Variants in TACC2 observed in about 807,000 individuals in gnomAD.
The protein encoded by TACC2 is transforming acidic coiled-coil containing protein 2, also known as transforming acidic coiled-coil-containing protein 2.
In TACC2, 137 loss-of-function variants were observed where a neutral mutation model predicts 227.3. The observed-to-expected ratio is 0.60, with a 90% CI of 0.52 to 0.69. The LOEUF (loss-of-function observed/expected upper bound fraction) is 0.69. Among genes scored for constraint, TACC2 ranks in the 30% least tolerant of loss-of-function variants. The probability of loss-of-function intolerance (pLI) is 0.00; values close to 1 mark genes in which losing one functional copy is unlikely to be tolerated. For synonymous variants in TACC2, 1,523 were observed against 1,487.5 expected, an observed-to-expected ratio of 1.02 and a Z score of -0.55; for missense variants, 3,470 against 3,694.4, an observed-to-expected ratio of 0.94 and a Z score of 1.57.
chr10:122,017,216 G>A (rs1290717996), intron 1 of TACC2, among the ~76,000 whole-genome samples: 1 of 152,194 alleles, frequency 6.6e-6, no homozygotes, highest in Non-Finnish European at 1.5e-5. Context: ...GGGCCGCAGA[G>A]TTGACAGTTT....
At chr10:122,066,541 A>G (rs1458707416) in intron 3 of TACC2, among the ~76,000 whole-genome samples, 2 of 152,194 alleles carry the variant, frequency 1.3e-5, no homozygotes, top group Non-Finnish European at 2.9e-5. Flanking sequence ...TGCTGGGATT[A>G]GAGGCGTGAG....
In TACC2 at chr10:122,180,439, G is replaced by A. The variant is rs977935878; in HGVS notation, c.5835-14601G>A. Among the ~76,000 whole-genome samples, 2 of 151,478 alleles carry A rather than the reference G, an allele frequency of 1.3e-5. No homozygotes were observed. The highest frequency in any genetic ancestry group is 2.9e-5 in the Non-Finnish European group (2 of 67,936). On this transcript the variant is annotated intron_variant, in intron 7 of 22. Coordinates refer to ENST00000369005, the MANE Select transcript of TACC2 (RefSeq NM_206862.4). The surrounding 1 kb of genome is among the most constrained non-coding windows in gnomAD (Gnocchi z 4.5). Reference sequence around the variant, plus strand: ...TGCAAGCTCCGCTTCCCAGGTTCACGCCATTCTCCTGCCTCAGCCTCCCGA... The same window carrying A: ...TGCAAGCTCCGCTTCCCAGGTTCACACCATTCTCCTGCCTCAGCCTCCCGA...
In TACC2 at chr10:122,120,242, G is replaced by A. The variant is rs138580226; in HGVS notation, c.5574-12367G>A. On this transcript the variant is annotated intron_variant, in intron 5 of 22. Coordinates refer to ENST00000369005, the MANE Select transcript of TACC2 (RefSeq NM_206862.4). The stretch of plus-strand genomic sequence containing the variant: ...CAACCAGAAGCTGCCCTGCTCCCCC[G>A]CCTGGCCTAGGGGTTGGGCCAACGT... Among the ~76,000 whole-genome samples, 411 of 152,244 alleles carry A rather than the reference G, an allele frequency of 2.7e-3. 3 individuals are homozygous for A. The highest frequency in any genetic ancestry group is 9.7e-3 in the African/African-American group (401 of 41,550).
intron 8 of TACC2, among the ~76,000 whole-genome samples, chr10:122,198,436 A>G (rs1031144132): frequency 6.6e-6 from 1 of 152,214 alleles, no homozygotes; most frequent in Non-Finnish European, 1.5e-5. Flanking sequence ...CCGTGTTATT[A>G]GAACTCAAAA....
In TACC2 at chr10:122,086,313, A is replaced by G. The variant is rs375356735; in HGVS notation, c.3813A>G (p.Val1271=). The change falls in exon 4 of 23, where the codon GTA becomes GTG. Residue 1271 remains valine, a synonymous_variant. Transcript: ENST00000369005. The part of the protein sequence containing the change: ...PRAPGESPCP[V]GEPPLALENA... Reference sequence around the variant, plus strand: ...CTCCTGGCGAAAGCCCCTGTCCTGTAGGGGAGCCCCCACTTGCCTTGGAAA... The same window carrying G: ...CTCCTGGCGAAAGCCCCTGTCCTGTGGGGGAGCCCCCACTTGCCTTGGAAA... The G allele has an allele frequency of 1.1e-5, 17 of 1,613,864 alleles. No homozygotes were observed. Among genetic ancestry groups the G allele is most frequent in the Middle Eastern group, 1.6e-4 (1 of 6,062 alleles).
chr10:122,021,621 A>G (rs1490406063), intron 1 of TACC2, among the ~76,000 whole-genome samples: 1 of 151,826 alleles, frequency 6.6e-6, no homozygotes, highest in African/African-American at 2.4e-5. Flanking sequence ...TGGCAAACGG[A>G]CCCCTTTTGT....
chr10:122,061,447 G>A (rs1324180680), intron 3 of TACC2, among the ~76,000 whole-genome samples: 1 of 152,178 alleles, frequency 6.6e-6, no homozygotes, highest in East Asian at 1.9e-4. Flanking sequence ...GGCTCCAGGA[G>A]GAAATCCTAC....
At position 122,107,880 on chromosome 10, in the gene TACC2, A is replaced by ATT. The variant is rs1412735022; in HGVS notation, c.5573+19298_5573+19299dup. The stretch of plus-strand genomic sequence containing the variant: ...AAGTCCATTATATATATATATATAT[A>ATT]TTTTTTTTTTCTTTTTTCTTTTTTT... On this transcript the variant is annotated intron_variant, in intron 5 of 22. Transcript: ENST00000369005. 5.4e-3 allele frequency among the ~76,000 whole-genome samples: 555 copies of ATT among 102,234 alleles called. 5 individuals carry two copies. The highest frequency in any genetic ancestry group is 7.6e-3 in the Non-Finnish European group (415 of 54,660). 67.1% of individuals were successfully genotyped at this position (102,234 alleles called of 152,430 possible).
chr10:122,063,781 A>C (rs1269853273), intron 3 of TACC2, among the ~76,000 whole-genome samples: 1 of 151,320 alleles, frequency 6.6e-6, no homozygotes, highest in African/African-American at 2.4e-5. Flanking sequence ...GTGTGCATAT[A>C]TATTATAAAA....
chr10:122,110,830 T>C (rs967860189), intron 5 of TACC2, among the ~76,000 whole-genome samples: 4 of 152,202 alleles, frequency 2.6e-5, no homozygotes, highest in African/African-American at 9.6e-5. Context: ...CACAAATTTA[T>C]TTTACTAGGA....
At chr10:121,992,117 C>T (rs1953051987) in intron 1 of TACC2, among the ~76,000 whole-genome samples, 1 of 152,194 alleles carries the variant, frequency 6.6e-6, no homozygotes, top group African/African-American at 2.4e-5. Flanking sequence ...AACTGCATCA[C>T]CATTTCACCC....
intron 2 of TACC2, among the ~76,000 whole-genome samples, chr10:122,027,320 T>C (rs1031774478): frequency 1.3e-5 from 2 of 152,240 alleles, no homozygotes; most frequent in Non-Finnish European, 2.9e-5. Flanking sequence ...TTTCTTATTA[T>C]TGAGTTTTAC....
Position 122,248,638 on chromosome 10 carries a change from G to C in TACC2, c.8393-5G>C. 2 of 1,612,690 alleles carry C rather than the reference G, an allele frequency of 1.2e-6. No homozygotes were observed. The highest frequency in any genetic ancestry group is 1.7e-6 in the Non-Finnish European group (2 of 1,180,046). ...CATCATTTGGCTCCTGGTCTCTCCT[G>C]CCAGAGGACGAACAGAGAGAGAAGT... On this transcript the variant is annotated splice_region_variant and splice_polypyrimidine_tract_variant and intron_variant, in intron 19 of 22. Coordinates refer to ENST00000369005, the MANE Select transcript of TACC2 (RefSeq NM_206862.4).
At position 122,141,041 on chromosome 10, in the gene TACC2, C is replaced by T. The variant is rs547201666; in HGVS notation, c.5700-2531C>T. Among the ~76,000 whole-genome samples, 9 of 152,152 alleles carry T rather than the reference C, an allele frequency of 5.9e-5. No individual in the cohort carries two copies. In the South Asian group the frequency reaches 1.2e-3, roughly 21 times the overall value. ...GCCCAGGAGTCCTGCTCAGAGAGGG[C>T]AGATTCCAGAAGGAGAAGGAGGTGA... On this transcript the variant is annotated intron_variant, in intron 6 of 22. Coordinates refer to ENST00000369005, the MANE Select transcript of TACC2 (RefSeq NM_206862.4). This position sits in a 1 kb window ranked among gnomAD's most constrained non-coding sequence, Gnocchi z 4.3.
intron 11 of TACC2, among the ~76,000 whole-genome samples, chr10:122,224,283 G>T (rs1244447207): frequency 1.3e-5 from 2 of 152,184 alleles, no homozygotes; most frequent in South Asian, 4.1e-4. Flanking sequence ...GGCCAGAGCT[G>T]AATACCCAGA....
chr10:122,098,945 C>T (rs1484994210), intron 5 of TACC2, among the ~76,000 whole-genome samples: 1 of 152,186 alleles, frequency 6.6e-6, no homozygotes, highest in Non-Finnish European at 1.5e-5. Flanking sequence ...GGAATGCATT[C>T]CCTTCCTTGT....
At chr10:122,219,638 G>C (rs2095484806) in intron 11 of TACC2, among the ~76,000 whole-genome samples, 1 of 152,214 alleles carries the variant, frequency 6.6e-6, no homozygotes, top group African/African-American at 2.4e-5. Flanking sequence ...AGGGACATCT[G>C]AGCACAGGCC....
At chr10:122,175,469 G>A (rs1592940054) in intron 7 of TACC2, among the ~76,000 whole-genome samples, 2 of 152,238 alleles carry the variant, frequency 1.3e-5, no homozygotes, top group Non-Finnish European at 1.5e-5. Context: ...CCCAGACCCC[G>A]TTCTGTCCAG....
Position 122,084,600 on chromosome 10 carries a change from C to T in TACC2, c.2100C>T (p.Thr700=), listed in dbSNP as rs753974305. 9.3e-6 allele frequency: 15 copies of T among 1,613,670 alleles called. No homozygotes were observed. In the South Asian group the frequency reaches 1.6e-4, roughly 18 times the overall value. Residue 700 remains threonine, a synonymous_variant, in exon 4 of 23, where the codon ACC becomes ACT. Coordinates refer to ENST00000369005, the MANE Select transcript of TACC2 (RefSeq NM_206862.4). ...GSGLQPKCPD[T]LQSREGLGRM... is the part of the protein sequence containing the mutation. ...GATTGCAGCCCAAATGTCCTGACAC[C>T]CTTCAGAGCAGGGAAGGATTGGGAA...
Sources: gnomAD v4.1 joint callset for allele counts (sites outside exome capture counted in the v4.1 genomes callset) on GRCh38, gnomAD v4.1.1 for gene constraint, Gnocchi (gnomAD v3.1) non-coding constraint, MANE v1.5 for transcripts, NCBI Gene and HGNC (gene_info 2026-07-23, HGNC 2026-07-21) for gene names.